Variants in KDM5A observed in about 807,000 individuals in gnomAD.
The protein encoded by KDM5A is lysine-specific demethylase 5A.
Under a neutral mutation model 193.5 loss-of-function variants are expected in KDM5A, and 42 were observed. That is an observed-to-expected ratio of 0.22 (90% CI 0.17 to 0.28). The LOEUF (loss-of-function observed/expected upper bound fraction) is 0.28, where lower values mean the gene tolerates loss of function less well. KDM5A is among the 10% of genes least tolerant of loss of function. The probability of loss-of-function intolerance (pLI) is 1.00; values close to 1 mark genes in which losing one functional copy is unlikely to be tolerated. For missense variants in KDM5A, 1,692 were observed against 2,055.1 expected, an observed-to-expected ratio of 0.82 and a Z score of 3.42; for synonymous variants, 796 against 718.1, an observed-to-expected ratio of 1.11 and a Z score of -1.73.
In KDM5A at chr12:333,599, A is replaced by G; in HGVS notation, c.1541T>C (p.Leu514Pro). Residue 514 changes from leucine to proline, a missense_variant, in exon 12 of 28, where the codon CTG (leucine) becomes CCG (proline). Physicochemically the swap from Leu to Pro is moderately conservative, Grantham distance 98 (BLOSUM62 -3). Around this residue, in one of 11 missense-constraint regions of KDM5A, gnomAD observed 172 missense variants for 260.3 expected, o/e 0.66. Transcript: ENST00000399788. The part of the protein sequence containing the change: ...YGVPSHAAEQ[L>P]EEVMRELAPE... ...GGCCAGCTCTCTCATCACCTCCTCCAGTTGCTCTGCAGCATGAGATGGCAC... is the reference window on the plus strand; with the variant it reads ...GGCCAGCTCTCTCATCACCTCCTCCGGTTGCTCTGCAGCATGAGATGGCAC... 2 of 1,614,092 alleles carry G rather than the reference A, an allele frequency of 1.2e-6. No individual in the cohort carries two copies. The highest frequency in any genetic ancestry group is 8.5e-7 in the Non-Finnish European group (1 of 1,179,998).
intron 10 of KDM5A, among the ~76,000 whole-genome samples, chr12:342,411 C>A (rs7970562): frequency 6.6e-6 from 1 of 151,980 alleles, no homozygotes; most frequent in Non-Finnish European, 1.5e-5. Flanking sequence ...GACAATCTAC[C>A]CACTCAGGTG....
intron 24 of KDM5A, among the ~76,000 whole-genome samples, chr12:304,113 C>T (rs1355164653): frequency 6.6e-6 from 1 of 152,178 alleles, no homozygotes; most frequent in East Asian, 1.9e-4. Flanking sequence ...TCCACAAGCT[C>T]ACCTACATAG....
intron 5 of KDM5A, among the ~76,000 whole-genome samples, chr12:356,905 C>T (rs1188744154): frequency 6.6e-6 from 1 of 152,212 alleles, no homozygotes; most frequent in Non-Finnish European, 1.5e-5. Context: ...CTAAGCCAAT[C>T]ACACTAACCT....
intron 24 of KDM5A, among the ~76,000 whole-genome samples, chr12:305,494 G>A (rs533225552): frequency 9.9e-5 from 15 of 152,080 alleles, no homozygotes; most frequent in Non-Finnish European, 2.1e-4. Context: ...TCTGCAAGCT[G>A]AAAAGACAAA....
rs1343180176 is a variant in KDM5A at position 307,827 on chromosome 12, T to C, written c.3557A>G (p.Asn1186Ser). The change falls in exon 23 of 28, where the codon AAC (asparagine) becomes AGC (serine). Residue 1186 changes from asparagine to serine, a missense_variant. Transcript: ENST00000399788. The surrounding 1 kb of genome is among the most constrained non-coding windows in gnomAD (Gnocchi z 4.3). Reference protein sequence around the residue: ...QCELCKDWFHNSCVPLPKSSS... With the variant: ...QCELCKDWFHSSCVPLPKSSS... ...TGATTTAGGAAGAGGAACACAGCTG[T>C]TATGGAACCAGTCTTTGCAGAGCTC... 11 of 1,614,178 alleles carry C rather than the reference T, an allele frequency of 6.8e-6. No homozygotes were observed. Among genetic ancestry groups the C allele is most frequent in the Middle Eastern group, 1.6e-4 (1 of 6,062 alleles).
intron 9 of KDM5A, 92 bp downstream of exon 9, chr12:352,113 A>C (rs2137451138): frequency 1.1e-6 from 1 of 888,308 alleles, no homozygotes; most frequent in Non-Finnish European, 1.6e-6. Flanking sequence ...CAAAAAAAAA[A>C]AAAAAAAAAA....
chr12:291,494 T>C (rs1037705563), intron 27 of KDM5A, among the ~76,000 whole-genome samples: 4 of 152,176 alleles, frequency 2.6e-5, no homozygotes, highest in African/African-American at 9.7e-5. Flanking sequence ...CATAATTACC[T>C]TCCCTGAGTC....
At chr12:285,991 T>G in intron 27 of KDM5A, 1 of 439,034 alleles carries the variant, frequency 2.3e-6, no homozygotes. Flanking sequence ...TAGTTTTAGC[T>G]AATATTAACA....
At chr12:378,275 C>A (rs555150738) in intron 3 of KDM5A, among the ~76,000 whole-genome samples, 6 of 147,974 alleles carry the variant, frequency 4.1e-5, no homozygotes. Context: ...TTTAAGCCCC[C>A]TTTTTTTTTT....
intron 3 of KDM5A, among the ~76,000 whole-genome samples, chr12:383,412 TC>T (rs1944599733): frequency 6.6e-6 from 1 of 152,024 alleles, no homozygotes; most frequent in East Asian, 1.9e-4. Context: ...ACATAGGGTT[TC>T]ACCATGTTGC....
At chr12:345,518 A>C (rs1247162398) in intron 10 of KDM5A, among the ~76,000 whole-genome samples, 1 of 152,222 alleles carries the variant, frequency 6.6e-6, no homozygotes, top group East Asian at 1.9e-4. Context: ...ATTGGAAGTA[A>C]AGCACTCCTC....
In KDM5A at chr12:293,179, T is replaced by C. The variant is rs1181896364; in HGVS notation, c.4456-10A>G. On this transcript the variant is annotated splice_polypyrimidine_tract_variant and intron_variant, in intron 26 of 27. Coordinates refer to ENST00000399788, the MANE Select transcript of KDM5A (RefSeq NM_001042603.3). Reference sequence around the variant, plus strand: ...CTTCCATGCTGTCATCCTTCAAAAATATAAATTTAGGAACAATTTTAAAGC... The same window carrying C: ...CTTCCATGCTGTCATCCTTCAAAAACATAAATTTAGGAACAATTTTAAAGC... The C allele has an allele frequency of 1.2e-6, 2 of 1,608,778 alleles. No homozygotes were observed. Among genetic ancestry groups the C allele is most frequent in the Non-Finnish European group, 1.7e-6 (2 of 1,176,540 alleles).
intron 14 of KDM5A, among the ~76,000 whole-genome samples, chr12:328,235 G>A (rs936288846): frequency 6.6e-6 from 1 of 152,210 alleles, no homozygotes; most frequent in African/African-American, 2.4e-5. Context: ...ATCAGGCAGA[G>A]AGGGAGGAGG....
rs1261246868 is a variant in KDM5A at position 295,393 on chromosome 12, G to A, written c.4455+180C>T. Among the ~76,000 whole-genome samples, 4 of 151,838 alleles carry A rather than the reference G, an allele frequency of 2.6e-5. No homozygotes were observed. In the East Asian group the frequency reaches 7.7e-4, roughly 29 times the overall value. Reference sequence around the variant, plus strand: ...GAAAGAAAGAGGGAGGAAGGAGGGAGGGAGGCAGGGAGGCAGGCAAGCCAG... The same window carrying A: ...GAAAGAAAGAGGGAGGAAGGAGGGAAGGAGGCAGGGAGGCAGGCAAGCCAG... On this transcript the variant is annotated intron_variant, in intron 26 of 27. Coordinates refer to ENST00000399788, the MANE Select transcript of KDM5A (RefSeq NM_001042603.3).
At chr12:385,856 A>C (rs2137501915) in intron 2 of KDM5A, 41 bp downstream of exon 2, 1 of 1,498,774 alleles carries the variant, frequency 6.7e-7, no homozygotes, top group East Asian at 2.3e-5. Context: ...CCCTAATATA[A>C]AGAATGAATC....
intron 3 of KDM5A, among the ~76,000 whole-genome samples, chr12:378,159 C>T (rs1043244709): frequency 2.0e-5 from 3 of 152,024 alleles, no homozygotes; most frequent in African/African-American, 7.3e-5. Flanking sequence ...GAGCATATTA[C>T]TTGGAAATAT....
At chr12:312,274 G>C (rs890038097) in intron 20 of KDM5A, among the ~76,000 whole-genome samples, 1 of 152,056 alleles carries the variant, frequency 6.6e-6, no homozygotes, top group Non-Finnish European at 1.5e-5. Context: ...TATGTATTTG[G>C]AAGACTCTAC....
intron 3 of KDM5A, among the ~76,000 whole-genome samples, chr12:377,809 G>A (rs1944525871): frequency 6.6e-6 from 1 of 152,084 alleles, no homozygotes; most frequent in Admixed American, 6.5e-5. Context: ...GGCAGTAAAA[G>A]GAATTTCCAG....
intron 5 of KDM5A, among the ~76,000 whole-genome samples, 193 bp downstream of exon 5, chr12:362,770 C>T (rs900112839): frequency 3.9e-5 from 6 of 152,092 alleles, no homozygotes; most frequent in Non-Finnish European, 7.4e-5. Flanking sequence ...GTAACTGTTC[C>T]ACACAGTTCA....
Sources: gnomAD v4.1 joint callset for allele counts (sites outside exome capture counted in the v4.1 genomes callset) on GRCh38, gnomAD v4.1.1 for gene constraint, gnomAD v4.1.1 regional missense constraint, Gnocchi (gnomAD v3.1) non-coding constraint, MANE v1.5 for transcripts, NCBI Gene and HGNC (gene_info 2026-07-23, HGNC 2026-07-21) for gene names.